The following CADPS2 variants were observed in gnomAD, a reference collection of about 807,000 sequenced individuals.
CADPS2 encodes calcium-dependent secretion activator 2.
CADPS2 carries 93 observed loss-of-function variants against 172.5 expected under a neutral mutation model. The observed-to-expected ratio is 0.54, with a 90% confidence interval of 0.46 to 0.64. CADPS2 has a LOEUF of 0.64. CADPS2 is among the 30% of genes least tolerant of loss of function. The pLI is 0.00. For synonymous variants in CADPS2, 546 were observed against 555.2 expected (o/e 0.98, Z 0.23); for missense variants, 1,420 against 1,565.9 (o/e 0.91, Z 1.57).
chr7:122,666,346 CTT>C (rs35558114), intron 2 of CADPS2, among the ~76,000 whole-genome samples: 2 of 133,502 alleles, frequency 1.5e-5, no homozygotes, highest in African/African-American at 2.8e-5. Flanking sequence ...TCTGCTAACA[CTT>C]TTTTTTTTTT....
intron 1 of CADPS2, among the ~76,000 whole-genome samples, chr7:122,840,680 C>T (rs1320594234): frequency 6.6e-6 from 1 of 152,006 alleles, no homozygotes; most frequent in Non-Finnish European, 1.5e-5. Context: ...ACTCCAGAGG[C>T]TGAGGCAGGA....
At chr7:122,468,987 T>C (rs2055538756) in intron 14 of CADPS2, among the ~76,000 whole-genome samples, 1 of 152,238 alleles carries the variant, frequency 6.6e-6, no homozygotes, top group Admixed American at 6.5e-5. Flanking sequence ...CCTGAATGTG[T>C]ACACAGTTTA....
At chr7:122,508,459 T>G (rs1317407692) in intron 9 of CADPS2, among the ~76,000 whole-genome samples, 4 of 114,290 alleles carry the variant, frequency 3.5e-5, no homozygotes, top group South Asian at 6.1e-4. Context: ...GTTTTTTTTT[T>G]TTTTTTTTTT....
intron 3 of CADPS2, among the ~76,000 whole-genome samples, chr7:122,659,309 A>G (rs2080225824): frequency 2.0e-5 from 2 of 101,462 alleles, no homozygotes; most frequent in Non-Finnish European, 4.1e-5. Flanking sequence ...AATGCTAGAC[A>G]TAAAAAAAAA....
At chr7:122,640,470 T>TACAC (rs10544198) in intron 3 of CADPS2, among the ~76,000 whole-genome samples, 419 of 137,598 alleles carry the variant, frequency 3.0e-3, no homozygotes, top group Non-Finnish European at 4.7e-3. Context: ...CACACACATA[T>TACAC]ACACACACAC....
chr7:122,871,646 A>G (rs1016186161), intron 1 of CADPS2, among the ~76,000 whole-genome samples: 4 of 152,074 alleles, frequency 2.6e-5, no homozygotes, highest in Admixed American at 1.3e-4. Context: ...TGTGAAATAG[A>G]ACCTAAAATG....
At chr7:122,501,741 G>A (rs1337118651) in intron 9 of CADPS2, among the ~76,000 whole-genome samples, 1 of 151,734 alleles carries the variant, frequency 6.6e-6, no homozygotes, top group African/African-American at 2.4e-5. Context: ...CAGGCGTGGT[G>A]GCACACGCCT....
At chr7:122,430,537 C>T (rs57818732) in intron 17 of CADPS2, among the ~76,000 whole-genome samples, 9,116 of 151,858 alleles carry the variant, frequency 0.06, 676 homozygotes, top group African/African-American at 0.17. Context: ...GCCAGAATTA[C>T]AAGTAAAAAA....
rs745365874 is a variant in CADPS2, at chr7:122,702,706, T to C, written c.453+34249A>G. Reference sequence around the variant, plus strand: ...AGATACTAAGCCTCAAAAGTCCAGATGAAACAGAACTATGCGTCGAAGGGG... The same window carrying C: ...AGATACTAAGCCTCAAAAGTCCAGACGAAACAGAACTATGCGTCGAAGGGG... On this transcript the variant is annotated intron_variant, in intron 2 of 29. Coordinates refer to ENST00000449022, the MANE Select transcript of CADPS2 (RefSeq NM_017954.11). 5.0e-6 allele frequency: 8 copies of C among 1,612,182 alleles called. No homozygotes were observed. In the East Asian group the frequency reaches 1.6e-4, roughly 31 times the overall value.
chr7:122,366,322 C>T (rs1049003434), intron 25 of CADPS2, among the ~76,000 whole-genome samples: 17 of 150,934 alleles, frequency 1.1e-4, no homozygotes, highest in Non-Finnish European at 2.2e-4. Context: ...TAATACGAGG[C>T]GGCCAGGTGT....
At chr7:122,430,512 G>A (rs2049769638) in intron 17 of CADPS2, among the ~76,000 whole-genome samples, 1 of 152,126 alleles carries the variant, frequency 6.6e-6, no homozygotes, top group South Asian at 2.1e-4. Context: ...TGATGCTTCA[G>A]TGTTATCTCT....
chr7:122,882,920 T>C (rs1823322225), intron 1 of CADPS2, among the ~76,000 whole-genome samples: 1 of 152,148 alleles, frequency 6.6e-6, no homozygotes, highest in Admixed American at 6.5e-5. Context: ...GATATGTTCA[T>C]TTAGGAGGTG....
chr7:122,732,646 AAT>A (rs1273780510), intron 2 of CADPS2, among the ~76,000 whole-genome samples: 2 of 146,058 alleles, frequency 1.4e-5, no homozygotes, highest in South Asian at 4.2e-4. Context: ...GTGTCTTTGT[AAT>A]ATATATTTGT....
chr7:122,802,732 G>A (rs998746436), intron 1 of CADPS2, among the ~76,000 whole-genome samples: 3 of 152,114 alleles, frequency 2.0e-5, no homozygotes, highest in African/African-American at 7.2e-5. Context: ...CTTAAAGCAC[G>A]TGTCTACTTT....
At chr7:122,333,380 A>G (rs1007102650) in intron 28 of CADPS2, among the ~76,000 whole-genome samples, 1 of 152,152 alleles carries the variant, frequency 6.6e-6, no homozygotes, top group Non-Finnish European at 1.5e-5. Flanking sequence ...CACATTCCAA[A>G]ATCTTCTTTT....
intron 2 of CADPS2, chr7:122,701,982 T>C (rs2086187329): frequency 6.2e-7 from 1 of 1,613,710 alleles, no homozygotes; most frequent in Non-Finnish European, 8.5e-7. Flanking sequence ...ACAACACAGT[T>C]GTCTTCATTT....
chr7:122,501,285 T>G (rs1434501941), intron 9 of CADPS2, among the ~76,000 whole-genome samples: 1 of 151,992 alleles, frequency 6.6e-6, no homozygotes, highest in African/African-American at 2.4e-5. Context: ...TTATTACATA[T>G]GATAGAATTA....
At chr7:122,494,385 A>C (rs1314149045) in intron 9 of CADPS2, among the ~76,000 whole-genome samples, 1 of 152,198 alleles carries the variant, frequency 6.6e-6, no homozygotes, top group Non-Finnish European at 1.5e-5. Context: ...GTTTGGTTAA[A>C]ATATATTATG....
chr7:122,586,698 A>G (rs1031418725), intron 6 of CADPS2, among the ~76,000 whole-genome samples: 2 of 151,976 alleles, frequency 1.3e-5, no homozygotes, highest in African/African-American at 2.4e-5. Context: ...CTCTGTTCTA[A>G]CATTTATTAC....
Sources: allele counts gnomAD v4.1 joint callset (sites outside exome capture counted in the v4.1 genomes callset), GRCh38; gene constraint gnomAD v4.1.1; transcripts MANE v1.5; gene names NCBI Gene and HGNC (gene_info 2026-07-23, HGNC 2026-07-21).